The following SLC71A2 variants were observed in gnomAD, a reference collection of about 807,000 sequenced individuals.
The protein encoded by SLC71A2 is solute carrier family 71 member 2, also known as hippocampus abundant transcript-like 1.
At chr9:94,443,647 T>A in the SLC71A2 span, among the ~76,000 whole-genome samples, 1 of 152,188 alleles carries the variant, frequency 6.6e-6, no homozygotes, top group South Asian at 2.1e-4. Flanking sequence ...ACTAAGCAAG[T>A]AGGCTACTTT....
At chr9:94,460,972 G>A in the SLC71A2 span, 3 of 151,756 alleles carry the variant, frequency 2.0e-5, no homozygotes, top group African/African-American at 7.3e-5. Context: ...TGGGTTCTCT[G>A]TTGGGTGGCT....
the SLC71A2 span, among the ~76,000 whole-genome samples, chr9:94,452,546 G>A: frequency 2.6e-5 from 4 of 151,324 alleles, no homozygotes. Context: ...GCTGGGAGCC[G>A]AGATTGCGCC....
chr9:94,405,116 T>G, the SLC71A2 span, among the ~76,000 whole-genome samples: 1 of 152,218 alleles, frequency 6.6e-6, no homozygotes, highest in Non-Finnish European at 1.5e-5. Context: ...TCTCATTAAA[T>G]GGCCTTGGTA....
At chr9:94,415,539 T>G in the SLC71A2 span, among the ~76,000 whole-genome samples, 1 of 152,270 alleles carries the variant, frequency 6.6e-6, no homozygotes, top group East Asian at 1.9e-4. Flanking sequence ...TAAGATACTC[T>G]ACAGCAGCAA....
At chr9:94,397,315 T>C in the SLC71A2 span, among the ~76,000 whole-genome samples, 5 of 152,036 alleles carry the variant, frequency 3.3e-5, 1 homozygote, top group South Asian at 6.2e-4. Flanking sequence ...TGCACTATTA[T>C]CAGCTAAAAG....
the SLC71A2 span, among the ~76,000 whole-genome samples, chr9:94,406,625 G>A: frequency 6.6e-6 from 1 of 152,048 alleles, no homozygotes; most frequent in Non-Finnish European, 1.5e-5. Context: ...TTCCTGCCTT[G>A]GCCTCCCAAA....
At chr9:94,403,731 T>C in the SLC71A2 span, among the ~76,000 whole-genome samples, 16 of 152,296 alleles carry the variant, frequency 1.1e-4, no homozygotes, top group African/African-American at 3.6e-4. Context: ...TTTTAATTTT[T>C]TGAGTACCTG....
chr9:94,445,255 C>T, the SLC71A2 span: 1 of 1,225,680 alleles, frequency 8.2e-7, no homozygotes. Flanking sequence ...TATGTATGTG[C>T]AGCCTCAAGG....
At chr9:94,387,462 A>G in the SLC71A2 span, among the ~76,000 whole-genome samples, 58 of 152,108 alleles carry the variant, frequency 3.8e-4, no homozygotes, top group African/African-American at 1.2e-3. Flanking sequence ...ATTCTAATCA[A>G]TGTTCTAAGG....
the SLC71A2 span, among the ~76,000 whole-genome samples, chr9:94,448,363 A>G: frequency 3.3e-4 from 50 of 152,176 alleles, no homozygotes; most frequent in African/African-American, 1.2e-3. Flanking sequence ...AAAAAAGAAA[A>G]CCAAAAACTT....
chr9:94,393,889 G>A, the SLC71A2 span, among the ~76,000 whole-genome samples: 1 of 74,388 alleles, frequency 1.3e-5, no homozygotes, highest in African/African-American at 6.0e-5. Context: ...TTTACATTCC[G>A]TGAAATGAGA....
chr9:94,399,197 C>G, the SLC71A2 span, among the ~76,000 whole-genome samples: 3 of 152,174 alleles, frequency 2.0e-5, no homozygotes, highest in Non-Finnish European at 4.4e-5. Flanking sequence ...GTTAGTGAGA[C>G]CTGGCTTGCC....
the SLC71A2 span, among the ~76,000 whole-genome samples, chr9:94,437,630 ACTC>A: frequency 2.7e-5 from 4 of 149,462 alleles, no homozygotes; most frequent in African/African-American, 9.9e-5. Context: ...GCATATGTAC[ACTC>A]CTCTTCTTTA....
chr9:94,434,569 C>T, the SLC71A2 span, among the ~76,000 whole-genome samples: 2 of 152,112 alleles, frequency 1.3e-5, no homozygotes, highest in Non-Finnish European at 2.9e-5. Flanking sequence ...CCCGCCTCAG[C>T]CTCCCAAAGT....
the SLC71A2 span, among the ~76,000 whole-genome samples, chr9:94,445,433 G>A: frequency 2.0e-5 from 3 of 152,176 alleles, no homozygotes; most frequent in Admixed American, 2.0e-4. Flanking sequence ...AGTTTGGGAA[G>A]AGAGTTTCTT....
the SLC71A2 span, among the ~76,000 whole-genome samples, chr9:94,425,388 A>G: frequency 6.6e-6 from 1 of 152,186 alleles, no homozygotes; most frequent in Non-Finnish European, 1.5e-5. Flanking sequence ...TTCGCAAGTT[A>G]TTTTGTGGCT....
At chr9:94,459,589 T>TA in the SLC71A2 span, 2 of 568,534 alleles carry the variant, frequency 3.5e-6, no homozygotes, top group Non-Finnish European at 6.0e-6. Context: ...TTTTTTCTCT[T>TA]ACATTCTTTT....
chr9:94,424,703 G>A, the SLC71A2 span, among the ~76,000 whole-genome samples: 1 of 146,430 alleles, frequency 6.8e-6, no homozygotes, highest in African/African-American at 2.5e-5. Flanking sequence ...ATTGATTGTG[G>A]AAGAATGGAC....
the SLC71A2 span, among the ~76,000 whole-genome samples, chr9:94,384,584 C>T: frequency 2.2e-4 from 33 of 152,310 alleles, no homozygotes; most frequent in African/African-American, 6.5e-4. Flanking sequence ...AAGTGATACA[C>T]CCGCCTTGGC....
Sources: gnomAD v4.1 joint callset for allele counts (sites outside exome capture counted in the v4.1 genomes callset) on GRCh38, gnomAD v4.1.1 for gene constraint, MANE v1.5 for transcripts, NCBI Gene and HGNC (gene_info 2026-07-23, HGNC 2026-07-21) for gene names.